The following PCDHGA4 variants were observed in gnomAD, a reference collection of about 807,000 sequenced individuals.
PCDHGA4 encodes the protein protocadherin gamma subfamily A, 4, also known as protocadherin gamma-A4.
In PCDHGA4, 38 loss-of-function variants were observed where a neutral mutation model predicts 54.6. The observed-to-expected ratio is 0.70, with a 90% CI of 0.54 to 0.91. The LOEUF (loss-of-function observed/expected upper bound fraction) is 0.91, where lower values mean the gene tolerates loss of function less well. Among genes scored for constraint, PCDHGA4 ranks in the 40% least tolerant of loss-of-function variants. The pLI, the probability that PCDHGA4 is intolerant of heterozygous loss-of-function variation, is 0.00. For missense variants in PCDHGA4, 1,298 were observed against 1,220.9 expected (o/e 1.06, Z -0.94); for synonymous variants, 511 against 512.9 (o/e 1.00, Z 0.05).
At position 141,491,832 on chromosome 5, in the gene PCDHGA4, C is replaced by T. The variant is rs755882255; in HGVS notation, c.2515-2975C>T. On this transcript the variant is annotated intron_variant, in intron 1 of 3. Coordinates refer to ENST00000571252, the MANE Select transcript of PCDHGA4 (RefSeq NM_018917.4). The surrounding 1 kb of genome is among the most constrained non-coding windows in gnomAD (Gnocchi z 6.9). ...GTCGCTGGCTGCGCTCCACCCGATT[C>T]TCGGGATCATTGGACCGTTTGCGCG... 1.6e-5 allele frequency: 24 copies of T among 1,474,306 alleles called. No individual in the cohort carries two copies. The highest frequency in any genetic ancestry group is 2.0e-5 in the Non-Finnish European group (22 of 1,112,688). 91.3% of individuals were successfully genotyped at this position (1,474,306 alleles called of 1,614,324 possible). A position where few individuals can be genotyped will look rare whatever the true frequency, so the allele number is the denominator to read the frequency against.
At position 141,408,935 on chromosome 5, in the gene PCDHGA4, G is replaced by A. The variant is rs773802276; in HGVS notation, c.2514+51314G>A. 6.8e-6 allele frequency: 11 copies of A among 1,613,590 alleles called. No homozygotes were observed. Among genetic ancestry groups the A allele is most frequent in the Non-Finnish European group, 9.3e-6 (11 of 1,179,752 alleles). ...TGATAACCCCCCGGTTTTCAGCAGAGACGAATATAGAATTAGTCTTAGTGA... is the reference window on the plus strand; with the variant it reads ...TGATAACCCCCCGGTTTTCAGCAGAAACGAATATAGAATTAGTCTTAGTGA... On this transcript the variant is annotated intron_variant, in intron 1 of 3. Coordinates refer to ENST00000571252, the MANE Select transcript of PCDHGA4 (RefSeq NM_018917.4).
intron 1 of PCDHGA4, chr5:141,374,870 G>T: frequency 6.2e-7 from 1 of 1,613,702 alleles, no homozygotes; most frequent in Non-Finnish European, 8.5e-7. Context: ...ACCAGTGTTG[G>T]CAGTGACTGC....
At chr5:141,372,739 GT>G in intron 1 of PCDHGA4, 1 of 1,613,668 alleles carries the variant, frequency 6.2e-7, no homozygotes, top group Non-Finnish European at 8.5e-7. Context: ...GATCTTCTAT[GT>G]GATGAAGCCT....
intron 1 of PCDHGA4, among the ~76,000 whole-genome samples, chr5:141,446,961 GA>G (rs1466390366): frequency 2.0e-5 from 3 of 152,070 alleles, no homozygotes; most frequent in Admixed American, 1.3e-4. Context: ...AGCACCCAGG[GA>G]AATTTGCTGT....
At chr5:141,447,798 A>G (rs2098551922) in intron 1 of PCDHGA4, among the ~76,000 whole-genome samples, 2 of 152,230 alleles carry the variant, frequency 1.3e-5, no homozygotes, top group Admixed American at 1.3e-4. Context: ...TTAAGAAAAT[A>G]AAATTGGCTG....
chr5:141,426,431 A>G (rs916399837), intron 1 of PCDHGA4: 1 of 297,328 alleles, frequency 3.4e-6, no homozygotes, highest in Non-Finnish European at 6.7e-6. Context: ...GTGGTGGGGA[A>G]CCTTGCGGAG....
At chr5:141,405,775 G>A (rs2094716657) in intron 1 of PCDHGA4, among the ~76,000 whole-genome samples, 1 of 152,002 alleles carries the variant, frequency 6.6e-6, no homozygotes, top group African/African-American at 2.4e-5. Flanking sequence ...ACTGCGCCTG[G>A]CCCTTAACTT....
At chr5:141,362,340 T>C (rs764036848) in intron 1 of PCDHGA4, 2 of 1,614,058 alleles carry the variant, frequency 1.2e-6, no homozygotes, top group African/African-American at 2.7e-5. Flanking sequence ...GCTCCAAGCC[T>C]GGACCTGGGG....
rs1228153118 is a variant in PCDHGA4 at position 141,433,077 on chromosome 5, C to G, written c.2515-61730C>G. 5.0e-6 allele frequency: 8 copies of G among 1,614,080 alleles called. No homozygotes were observed. The African/African-American group carries it at 6.7e-5, about 13-fold the overall frequency. On this transcript the variant is annotated intron_variant, in intron 1 of 3. Transcript: ENST00000571252. Reference sequence around the variant, plus strand: ...AAGAGTCACCTGATCTTCCCCCAGCCCAACTATGCAGACATGCTCGTCAGC... The same window carrying G: ...AAGAGTCACCTGATCTTCCCCCAGCGCAACTATGCAGACATGCTCGTCAGC...
chr5:141,423,061 G>T, intron 1 of PCDHGA4: 2 of 1,614,160 alleles, frequency 1.2e-6, no homozygotes, highest in Non-Finnish European at 1.7e-6. Context: ...CCTGCTTAAG[G>T]CCAGCGAGCC....
chr5:141,364,926 C>T, intron 1 of PCDHGA4: 2 of 1,613,906 alleles, frequency 1.2e-6, no homozygotes, highest in Non-Finnish European at 8.5e-7. Flanking sequence ...TTGGAACAGC[C>T]CCTAGACCGC....
intron 1 of PCDHGA4, chr5:141,389,977 C>T: frequency 6.2e-7 from 1 of 1,614,054 alleles, no homozygotes; most frequent in South Asian, 1.1e-5. Flanking sequence ...GCCTTGATCT[C>T]AGTGCTCTTC....
chr5:141,418,663 C>T, intron 1 of PCDHGA4: 1 of 1,613,960 alleles, frequency 6.2e-7, no homozygotes, highest in South Asian at 1.1e-5. Flanking sequence ...AGGCCACTGA[C>T]CAGGACGAGG....
intron 1 of PCDHGA4, chr5:141,389,633 C>T: frequency 1.2e-6 from 2 of 1,613,016 alleles, no homozygotes; most frequent in Non-Finnish European, 1.7e-6. Flanking sequence ...CAGAGCCTGG[C>T]TACTTGGTGA....
intron 1 of PCDHGA4, among the ~76,000 whole-genome samples, chr5:141,380,761 A>G (rs952416806): frequency 6.6e-6 from 1 of 152,224 alleles, no homozygotes; most frequent in African/African-American, 2.4e-5. Flanking sequence ...GACACTATAA[A>G]TTAATTGAGA....
At chr5:141,389,896 C>T (rs1398944326) in intron 1 of PCDHGA4, 1 of 1,614,076 alleles carries the variant, frequency 6.2e-7, no homozygotes, top group Non-Finnish European at 8.5e-7. Flanking sequence ...GAGGTGCTGC[C>T]GGATATCACT....
chr5:141,478,549 A>G lies in PCDHGA4; in HGVS notation c.2515-16258A>G, dbSNP rs369095515. 8 of 1,602,904 alleles carry G rather than the reference A, an allele frequency of 5.0e-6. No individual in the cohort carries two copies. In the African/African-American group the frequency reaches 1.1e-4, roughly 21 times the overall value. On this transcript the variant is annotated intron_variant, in intron 1 of 3. Coordinates refer to ENST00000571252, the MANE Select transcript of PCDHGA4 (RefSeq NM_018917.4). ...CAGAGAGCGCCCCTCCCGGACAGGT[A>G]AGGTTTAGCAAGTCATGCTTGACCC...
At chr5:141,428,049 G>A (rs770637382) in intron 1 of PCDHGA4, 16 of 1,608,954 alleles carry the variant, frequency 9.9e-6, no homozygotes, top group Non-Finnish European at 1.4e-5. Flanking sequence ...GGTGACCAAG[G>A]TGGTGGCGGT....
At chr5:141,375,942 G>T in intron 1 of PCDHGA4, 4 of 1,613,518 alleles carry the variant, frequency 2.5e-6, no homozygotes, top group Non-Finnish European at 2.5e-6. Flanking sequence ...TTCTCAGTGG[G>T]CCTGCACACG....
Sources: gnomAD v4.1 joint callset for allele counts (sites outside exome capture counted in the v4.1 genomes callset) on GRCh38, gnomAD v4.1.1 for gene constraint, Gnocchi (gnomAD v3.1) non-coding constraint, MANE v1.5 for transcripts, NCBI Gene and HGNC (gene_info 2026-07-23, HGNC 2026-07-21) for gene names.